Variants in SLC9C1 observed in about 807,000 individuals in gnomAD.
The protein encoded by SLC9C1 is sodium/hydrogen exchanger 10.
In SLC9C1, 97 loss-of-function variants were observed where a neutral mutation model predicts 140.9. The observed-to-expected ratio is 0.69, with a 90% CI of 0.58 to 0.82. The LOEUF (loss-of-function observed/expected upper bound fraction) is 0.82, where lower values mean the gene tolerates loss of function less well. Among genes scored for constraint, SLC9C1 ranks in the 40% least tolerant of loss-of-function variants. SLC9C1 has a pLI of 0.00. For synonymous variants in SLC9C1, 440 were observed against 442.6 expected (o/e 0.99, Z 0.07); for missense variants, 1,340 against 1,389.3 (o/e 0.96, Z 0.56).
intron 20 of SLC9C1, among the ~76,000 whole-genome samples, chr3:112,191,726 T>G (rs1181792182): frequency 6.6e-6 from 1 of 152,166 alleles, no homozygotes; most frequent in African/African-American, 2.4e-5. Context: ...TATTCCTTCT[T>G]TGCTTTTTTG....
chr3:112,195,514 A>G (rs974418721), intron 20 of SLC9C1, among the ~76,000 whole-genome samples: 1 of 151,910 alleles, frequency 6.6e-6, no homozygotes, highest in Admixed American at 6.6e-5. Context: ...AGCTTTTCTA[A>G]ATATCTGTAG....
chr3:112,164,830 T>C (rs573505498), intron 26 of SLC9C1, among the ~76,000 whole-genome samples: 13 of 152,316 alleles, frequency 8.5e-5, no homozygotes, highest in Non-Finnish European at 1.3e-4. Context: ...CCCTGCTAGA[T>C]TGGGGAAGTT....
chr3:112,280,892 T>TGTTTTCTC (rs2080340087), intron 2 of SLC9C1, 109 bp from the exon 3 acceptor site: 28 of 959,020 alleles, frequency 2.9e-5, no homozygotes, highest in Non-Finnish European at 4.2e-5. Context: ...TTTCACTACT[T>TGTTTTCTC]TTCATGAGTT....
intron 10 of SLC9C1, among the ~76,000 whole-genome samples, chr3:112,246,481 G>C (rs529241973): frequency 1.3e-5 from 2 of 152,134 alleles, no homozygotes; most frequent in African/African-American, 4.8e-5. Flanking sequence ...AGCTGAGTAA[G>C]AGTCGTCATT....
At chr3:112,183,349 CTTTTTT>C (rs200437815) in intron 20 of SLC9C1, among the ~76,000 whole-genome samples, 13,644 of 95,570 alleles carry the variant, frequency 0.14, 1,215 homozygotes, top group East Asian at 0.22. Context: ...AGCACCTTTT[CTTTTTT>C]TTTTTTTTTT....
At chr3:112,275,175 A>T in intron 5 of SLC9C1, 150 bp from the exon 6 acceptor site, 1 of 760,778 alleles carries the variant, frequency 1.3e-6, no homozygotes. Flanking sequence ...AATTGGCACT[A>T]AATTAATTAT....
At chr3:112,179,817 T>C in intron 22 of SLC9C1, 116 bp from the exon 23 acceptor site, 1 of 737,630 alleles carries the variant, frequency 1.4e-6, no homozygotes, top group South Asian at 3.1e-5. Context: ...CATATTGTCT[T>C]GAGAATAAAT....
chr3:112,287,112 T>G (rs1182907946), intron 1 of SLC9C1, among the ~76,000 whole-genome samples: 1 of 152,200 alleles, frequency 6.6e-6, no homozygotes, highest in African/African-American at 2.4e-5. Context: ...CACTACGCAC[T>G]TGTTACCCAC....
chr3:112,279,503 C>CA (rs2080303678), intron 3 of SLC9C1, among the ~76,000 whole-genome samples: 1 of 151,950 alleles, frequency 6.6e-6, no homozygotes, highest in African/African-American at 2.4e-5. Flanking sequence ...GCAATCAAGA[C>CA]GAAGAAAGAA....
intron 21 of SLC9C1, among the ~76,000 whole-genome samples, chr3:112,181,434 A>C (rs931241897): frequency 2.0e-5 from 3 of 152,246 alleles, no homozygotes; most frequent in African/African-American, 7.2e-5. Flanking sequence ...TTTTGACATC[A>C]AATAGATATT....
At chr3:112,167,189 T>G in intron 26 of SLC9C1, 32 bp downstream of exon 26, 1 of 1,599,168 alleles carries the variant, frequency 6.3e-7, no homozygotes, top group Non-Finnish European at 8.5e-7. Flanking sequence ...GGAAAGTAAG[T>G]TTTCACAATT....
intron 1 of SLC9C1, among the ~76,000 whole-genome samples, chr3:112,287,107 C>A (rs113259576): frequency 1.3e-5 from 2 of 152,142 alleles, no homozygotes; most frequent in Admixed American, 1.3e-4. Flanking sequence ...CCAAGCACTA[C>A]GCACTTGTTA....
chr3:112,251,929 C>A (rs1431603028), intron 10 of SLC9C1, among the ~76,000 whole-genome samples: 1 of 152,196 alleles, frequency 6.6e-6, no homozygotes, highest in African/African-American at 2.4e-5. Flanking sequence ...AGGGATCTAA[C>A]CCCCAACCTT....
chr3:112,209,655 CAA>C (rs764063774), intron 15 of SLC9C1, among the ~76,000 whole-genome samples: 4 of 151,854 alleles, frequency 2.6e-5, no homozygotes, highest in Non-Finnish European at 4.4e-5. Flanking sequence ...TTTCAGGAAA[CAA>C]AATCGATATA....
At chr3:112,181,585 G>A (rs991052957) in intron 21 of SLC9C1, among the ~76,000 whole-genome samples, 1 of 152,060 alleles carries the variant, frequency 6.6e-6, no homozygotes, top group Non-Finnish European at 1.5e-5. Context: ...ATAGTAGGAG[G>A]GAGACCTAAA....
chr3:112,167,349 TG>T lies in SLC9C1; in HGVS notation c.3238-3del. 6.3e-7 allele frequency: 1 copy of T among 1,581,370 alleles called. No individual in the cohort carries two copies. The highest frequency in any genetic ancestry group is 8.6e-7 in the Non-Finnish European group (1 of 1,166,584). On this transcript the variant is annotated splice_polypyrimidine_tract_variant and splice_region_variant and intron_variant, in intron 25 of 28. Transcript: ENST00000305815. Reference sequence around the variant, plus strand: ...TGTGAAATCTTCAATACTTTGTATCTGAAAGTTGACAGAATGCAAGTTAATT... The same window carrying T: ...TGTGAAATCTTCAATACTTTGTATCTAAAGTTGACAGAATGCAAGTTAATT...
At position 112,280,769 on chromosome 3, in the gene SLC9C1, G is replaced by T; in HGVS notation, c.103C>A (p.His35Asn). Residue 35 changes from histidine (H) to asparagine (N), a missense_variant, in exon 3 of 29, where the codon CAC becomes AAC. Physicochemically the swap from His to Asn is moderately conservative, Grantham distance 68 (BLOSUM62 1). Coordinates refer to ENST00000305815, the MANE Select transcript of SLC9C1 (RefSeq NM_183061.3). ...ISSIGAFLNR[H>N]LEDFPIPVPV... ...ACAGGAATTGGAAAGTCTTCCAAGT[G>T]CCGGTTCAAAAATGCTGCAAAAAAT... 6.2e-7 allele frequency: 1 copy of T among 1,610,940 alleles called. No individual in the cohort carries two copies. The highest frequency in any genetic ancestry group is 8.5e-7 in the Non-Finnish European group (1 of 1,179,232).
chr3:112,162,441 T>A (rs1192063585), intron 26 of SLC9C1, among the ~76,000 whole-genome samples: 1 of 152,156 alleles, frequency 6.6e-6, no homozygotes, highest in African/African-American at 2.4e-5. Context: ...TTGAAATACG[T>A]CCCATCAATA....
At chr3:112,288,858 A>G (rs955308018) in intron 1 of SLC9C1, among the ~76,000 whole-genome samples, 5 of 152,004 alleles carry the variant, frequency 3.3e-5, no homozygotes. Flanking sequence ...TTACTTTAAC[A>G]CCACTGGCCT....
Sources: gnomAD v4.1 joint callset for allele counts (sites outside exome capture counted in the v4.1 genomes callset) on GRCh38, gnomAD v4.1.1 for gene constraint, MANE v1.5 for transcripts, NCBI Gene and HGNC (gene_info 2026-07-23, HGNC 2026-07-21) for gene names.